Variants in RGS7 observed in about 807,000 individuals in gnomAD.
RGS7 encodes regulator of G-protein signaling 7.
RGS7 carries 27 observed loss-of-function variants against 81.1 expected under a neutral mutation model. The ratio of observed to expected loss-of-function variants is 0.33; its 90% confidence interval spans 0.25 to 0.46. RGS7 has a LOEUF of 0.46. Ranked by LOEUF, RGS7 falls within the 20% of genes least tolerant of loss-of-function variation. The pLI, the probability that RGS7 is intolerant of heterozygous loss-of-function variation, is 1.00. For synonymous variants in RGS7, 208 were observed against 207.7 expected, an observed-to-expected ratio of 1.00 and a Z score of -0.01; for missense variants, 396 against 607.4, an observed-to-expected ratio of 0.65 and a Z score of 3.66.
At chr1:240,839,792 A>C (rs929271250) in intron 9 of RGS7, among the ~76,000 whole-genome samples, 1 of 152,122 alleles carries the variant, frequency 6.6e-6, no homozygotes, top group African/African-American at 2.4e-5. Flanking sequence ...CCCAAAAAGG[A>C]TAAAGTGTCC....
chr1:240,956,388 CA>C (rs55931703), intron 4 of RGS7, among the ~76,000 whole-genome samples: 1 of 147,714 alleles, frequency 6.8e-6, no homozygotes, highest in African/African-American at 2.5e-5. Context: ...AACAAAAAAA[CA>C]AAAAAAAAAC....
intron 2 of RGS7, among the ~76,000 whole-genome samples, chr1:241,227,744 T>TATTACTCCTAG (rs1385902180): frequency 1.1e-5 from 1 of 89,688 alleles, no homozygotes; most frequent in East Asian, 9.5e-4. Flanking sequence ...CAAGACCTTG[T>TATTACTCCTAG]GTCACCTCCA....
At chr1:241,310,918 T>G (rs764735758) in intron 2 of RGS7, among the ~76,000 whole-genome samples, 1 of 152,188 alleles carries the variant, frequency 6.6e-6, no homozygotes, top group Non-Finnish European at 1.5e-5. Context: ...TCAAAGAAAT[T>G]AGCCAGGATC....
intron 10 of RGS7, among the ~76,000 whole-genome samples, chr1:240,821,461 G>T (rs1300525144): frequency 6.6e-6 from 1 of 152,088 alleles, no homozygotes; most frequent in African/African-American, 2.4e-5. Context: ...TTCAAAAAAA[G>T]AAAACTCCCC....
intron 4 of RGS7, among the ~76,000 whole-genome samples, chr1:240,962,637 G>A (rs1041200840): frequency 6.6e-6 from 1 of 152,128 alleles, no homozygotes; most frequent in Non-Finnish European, 1.5e-5. Context: ...AATGCAGTGT[G>A]TTCTGGAAAA....
At chr1:241,276,110 G>A (rs557774869) in intron 2 of RGS7, among the ~76,000 whole-genome samples, 9 of 152,246 alleles carry the variant, frequency 5.9e-5, no homozygotes, top group East Asian at 3.9e-4. Context: ...GCTTTTTTCT[G>A]TTCTTAACGT....
At chr1:240,831,409 T>C (rs1693811945) in intron 9 of RGS7, among the ~76,000 whole-genome samples, 2 of 152,232 alleles carry the variant, frequency 1.3e-5, no homozygotes, top group Non-Finnish European at 2.9e-5. Context: ...CAATAATTTT[T>C]CTTGAATTCT....
intron 2 of RGS7, among the ~76,000 whole-genome samples, chr1:241,283,493 T>C (rs2078633303): frequency 1.3e-5 from 2 of 152,176 alleles, no homozygotes; most frequent in Admixed American, 6.5e-5. Flanking sequence ...ATGTTTCTGA[T>C]GAAAAATCTA....
In RGS7 at chr1:240,842,037, C is replaced by T. The variant is rs373647212; in HGVS notation, c.610-14865G>A. 2.0e-5 allele frequency among the ~76,000 whole-genome samples: 3 copies of T among 151,798 alleles called. No individual in the cohort carries two copies. The South Asian group carries it at 6.3e-4, about 32-fold the overall frequency. On this transcript the variant is annotated intron_variant, in intron 9 of 18. Coordinates refer to ENST00000440928, the MANE Select transcript of RGS7 (RefSeq NM_001364886.1). ...CCTCCTCAGTGTATGAAATACTGCA[C>T]GTAAAAGGGGTCAGCACAGTTCTTG... is the stretch of plus-strand genomic sequence containing the variant.
intron 3 of RGS7, among the ~76,000 whole-genome samples, chr1:240,992,373 G>A (rs1044700637): frequency 2.6e-5 from 4 of 152,050 alleles, no homozygotes; most frequent in Admixed American, 6.5e-5. Context: ...GCGTGGTGGC[G>A]TGCGCCTGTA....
chr1:241,004,680 A>T (rs2058591076), intron 3 of RGS7, among the ~76,000 whole-genome samples: 1 of 151,498 alleles, frequency 6.6e-6, no homozygotes, highest in Non-Finnish European at 1.5e-5. Context: ...TACTAGACTG[A>T]GTGGGGAAGC....
At chr1:241,019,444 T>C (rs2148688964) in intron 3 of RGS7, among the ~76,000 whole-genome samples, 1 of 152,232 alleles carries the variant, frequency 6.6e-6, no homozygotes, top group African/African-American at 2.4e-5. Flanking sequence ...GCCATGTTGG[T>C]TTGCTGCATC....
chr1:241,242,826 ATTGT>A (rs546491014), intron 2 of RGS7, among the ~76,000 whole-genome samples: 29 of 151,596 alleles, frequency 1.9e-4, no homozygotes, highest in Non-Finnish European at 3.5e-4. Context: ...TTTTGATGAG[ATTGT>A]TTGTTTTTTC....
chr1:240,874,732 T>C (rs953270973), intron 6 of RGS7, among the ~76,000 whole-genome samples: 9 of 152,292 alleles, frequency 5.9e-5, no homozygotes, highest in African/African-American at 2.2e-4. Context: ...CCACTTTTTG[T>C]GATGAGAACT....
intron 2 of RGS7, among the ~76,000 whole-genome samples, chr1:241,149,529 G>T (rs2068596561): frequency 6.6e-6 from 1 of 152,028 alleles, no homozygotes; most frequent in Non-Finnish European, 1.5e-5. Flanking sequence ...TGTCCCCAAG[G>T]TACACTGGCA....
At chr1:240,816,172 A>G in intron 11 of RGS7, 145 bp downstream of exon 11, 1 of 673,360 alleles carries the variant, frequency 1.5e-6, no homozygotes, top group South Asian at 1.7e-5. Flanking sequence ...ACAACATTTT[A>G]TTATCTTTTA....
intron 9 of RGS7, among the ~76,000 whole-genome samples, chr1:240,862,056 A>G (rs1028524806): frequency 1.3e-5 from 2 of 152,090 alleles, no homozygotes; most frequent in African/African-American, 4.8e-5. Context: ...AATTTGGTGT[A>G]TTTCTCCCAC....
Position 241,029,257 on chromosome 1 carries a change from A to C in RGS7, c.176-46128T>G, listed in dbSNP as rs1245065741. Among the ~76,000 whole-genome samples, 13 of 152,304 alleles carry C rather than the reference A, an allele frequency of 8.5e-5. No homozygotes were observed. The East Asian group carries it at 2.3e-3, about 27-fold the overall frequency. Reference sequence around the variant, plus strand: ...AAGTAGCCATCTAGCAAAATACATTACACCCACTTTCTTTTAGCTTCAGGC... The same window carrying C: ...AAGTAGCCATCTAGCAAAATACATTCCACCCACTTTCTTTTAGCTTCAGGC... On this transcript the variant is annotated intron_variant, in intron 3 of 18. Transcript: ENST00000440928.
At chr1:240,977,262 C>T (rs1364003833) in intron 4 of RGS7, among the ~76,000 whole-genome samples, 2 of 152,160 alleles carry the variant, frequency 1.3e-5, no homozygotes, top group Non-Finnish European at 2.9e-5. Context: ...ATGATTGCTG[C>T]ACATTAATTT....
Sources: allele counts gnomAD v4.1 joint callset (sites outside exome capture counted in the v4.1 genomes callset), GRCh38; gene constraint gnomAD v4.1.1; transcripts MANE v1.5; gene names NCBI Gene and HGNC (gene_info 2026-07-23, HGNC 2026-07-21).